The following ZIC2 variants were observed in gnomAD, a reference collection of about 807,000 sequenced individuals.
The protein encoded by ZIC2 is zinc finger protein ZIC 2.
ZIC2 carries 7 observed loss-of-function variants against 29.5 expected under a neutral mutation model. The observed-to-expected ratio is 0.24, with a 90% CI of 0.14 to 0.45. The LOEUF (loss-of-function observed/expected upper bound fraction) is 0.45. Ranked by LOEUF, ZIC2 falls within the 20% of genes least tolerant of loss-of-function variation. The probability of loss-of-function intolerance (pLI) is 1.00; values close to 1 mark genes in which losing one functional copy is unlikely to be tolerated. For missense variants in ZIC2, 589 were observed against 781.2 expected, an observed-to-expected ratio of 0.75 and a Z score of 2.93; for synonymous variants, 408 against 354.2, an observed-to-expected ratio of 1.15 and a Z score of -1.70.
chr13:99,986,322 C>T lies in ZIC2; in HGVS notation c.*640C>T. The T allele has an allele frequency of 3.7e-6, 1 of 271,244 alleles. No homozygotes were observed. Among genetic ancestry groups the T allele is most frequent in the Non-Finnish European group, 7.2e-6 (1 of 138,210 alleles). The allele number at this position is 271,244 out of a possible 1,614,324, so 16.8% of individuals were successfully genotyped here. A position where few individuals can be genotyped will look rare whatever the true frequency, so the allele number is the denominator to read the frequency against. On this transcript the variant is annotated 3_prime_UTR_variant, in exon 3 of 3. Transcript: ENST00000376335. ...TATAGACTGGAAAAAATGAGCCGTG[C>T]CAAAGTCTCCCTTCTGTTTCTTCAG... is the stretch of plus-strand genomic sequence containing the variant.
rs766823181 is a variant in ZIC2 at position 99,985,385 on chromosome 13, GTC to G, written c.1303_1304del (p.Ser435HisfsTer94). 2.4e-4 allele frequency: 384 copies of G among 1,597,468 alleles called. 2 individuals carry two copies. Among genetic ancestry groups the G allele is most frequent in the Non-Finnish European group, 5.6e-5 (66 of 1,179,104 alleles). On this transcript the variant is annotated frameshift_variant, in exon 3 of 3. Transcript: ENST00000376335. LOFTEE classifies it high-confidence loss of function. This position sits in a 1 kb window ranked among gnomAD's most constrained non-coding sequence, Gnocchi z 6.3. ...CGGCCGCCAGCTCCGGCTATGAGTC[GTC>G]CACGCCCCCGGGGCTGGTGTCCCCC... Reference protein sequence around the residue: ...SPAASSGYESSTPPGLVSPSA... With the variant: ...SPAASSGYESXTPPGLVSPSA...
rs13542 is a variant in ZIC2 at position 99,986,138 on chromosome 13, G to A, written c.*456G>A. The stretch of plus-strand genomic sequence containing the variant: ...CGGATTGCGTTCCTCCCCGCCTTCC[G>A]CCCCTTCCCTTCCCTAAAGTGATGG... On this transcript the variant is annotated 3_prime_UTR_variant, in exon 3 of 3. Coordinates refer to ENST00000376335, the MANE Select transcript of ZIC2 (RefSeq NM_007129.5). 0.26 allele frequency: 115,690 copies of A among 441,306 alleles called. 16,691 individuals are homozygous for A. The highest frequency in any genetic ancestry group is 0.46 in the African/African-American group (22,861 of 49,444). 27.3% of individuals were successfully genotyped at this position (441,306 alleles called of 1,614,324 possible).
rs1355960014 is a variant in ZIC2, at chr13:99,985,394, C to A, written c.1311C>A (p.Pro437=). ...AASSGYESST[P]PGLVSPSAEP... Reference sequence around the variant, plus strand: ...GCTCCGGCTATGAGTCGTCCACGCCCCCGGGGCTGGTGTCCCCCAGCGCCG... The same window carrying A: ...GCTCCGGCTATGAGTCGTCCACGCCACCGGGGCTGGTGTCCCCCAGCGCCG... The change falls in exon 3 of 3, where the codon CCC becomes CCA. Residue 437 remains proline, a synonymous_variant. Transcript: ENST00000376335. This position sits in a 1 kb window ranked among gnomAD's most constrained non-coding sequence, Gnocchi z 6.3. The A allele has an allele frequency of 1.4e-5, 22 of 1,596,892 alleles. No homozygotes were observed. Among genetic ancestry groups the A allele is most frequent in the Non-Finnish European group, 1.8e-5 (21 of 1,178,870 alleles).
In ZIC2 at chr13:99,981,794, C is replaced by T; in HGVS notation, c.-271C>T. The T allele has an allele frequency of 1.8e-6, 1 of 553,424 alleles. No individual in the cohort carries two copies. Among genetic ancestry groups the T allele is most frequent in the Non-Finnish European group, 3.0e-6 (1 of 337,350 alleles). 34.3% of individuals were successfully genotyped at this position (553,424 alleles called of 1,614,324 possible). On this transcript the variant is annotated 5_prime_UTR_variant, in exon 1 of 3. Transcript: ENST00000376335. ...TCTCCGCCTGGCTTTGGACTCTTCTCCTCCTCCACCTCCTCCTCCTCCTCC... is the reference window on the plus strand; with the variant it reads ...TCTCCGCCTGGCTTTGGACTCTTCTTCTCCTCCACCTCCTCCTCCTCCTCC...
In ZIC2 at chr13:99,982,331, TG is replaced by T; in HGVS notation, c.268del (p.Ala90ArgfsTer128). 1 of 1,465,218 alleles carries T rather than the reference TG, an allele frequency of 6.8e-7. No homozygotes were observed. The highest frequency in any genetic ancestry group is 9.0e-7 in the Non-Finnish European group (1 of 1,111,454). 90.8% of individuals were successfully genotyped at this position (1,465,218 alleles called of 1,614,324 possible). A position where few individuals can be genotyped will look rare whatever the true frequency, so the allele number is the denominator to read the frequency against. On this transcript the variant is annotated frameshift_variant, in exon 1 of 3. Coordinates refer to ENST00000376335, the MANE Select transcript of ZIC2 (RefSeq NM_007129.5). LOFTEE classifies it high-confidence loss of function. ...QGPGAYPGSA[A>X]AAAAAAALGP... ...GCCCCGGCGCCTACCCCGGCTCCGC[TG>T]CGGCTGCCGCTGCGGCCGCAGCGCT... is the stretch of plus-strand genomic sequence containing the variant.
chr13:99,985,091 G>T lies in ZIC2; in HGVS notation c.1221G>T (p.Ser407=). The T allele has an allele frequency of 6.2e-7, 1 of 1,614,094 alleles. No homozygotes were observed. Among genetic ancestry groups the T allele is most frequent in the East Asian group, 2.2e-5 (1 of 44,868 alleles). The change falls in exon 2 of 3, where the codon TCG becomes TCT. Residue 407 remains serine (S), a synonymous_variant. Transcript: ENST00000376335. This position sits in a 1 kb window ranked among gnomAD's most constrained non-coding sequence, Gnocchi z 6.3. ...ACAAGTCCTACACGCACCCCAGCTC[G>T]CTGCGGAAGCACATGAAGGTACCAC... ...MCDKSYTHPS[S]LRKHMKVHES...
At position 99,981,890 on chromosome 13, in the gene ZIC2, AGGC is replaced by A. The variant is rs1216085522; in HGVS notation, c.-166_-164del. ...GCGCCCGGCCGCCCGAGGCAGATCC[AGGC>A]GGCGGCGGAGGCGGCGGGCGCAGGA... On this transcript the variant is annotated 5_prime_UTR_variant, in exon 1 of 3. Coordinates refer to ENST00000376335, the MANE Select transcript of ZIC2 (RefSeq NM_007129.5). The A allele has an allele frequency of 8.2e-7, 1 of 1,216,774 alleles. No individual in the cohort carries two copies. Among genetic ancestry groups the A allele is most frequent in the Non-Finnish European group, 1.1e-6 (1 of 946,686 alleles). 75.4% of individuals were successfully genotyped at this position (1,216,774 alleles called of 1,614,324 possible). A position where few individuals can be genotyped will look rare whatever the true frequency, so the allele number is the denominator to read the frequency against.
Position 99,985,826 on chromosome 13 carries a change from A to T in ZIC2, c.*144A>T. 1.1e-4 allele frequency: 33 copies of T among 299,056 alleles called. No individual in the cohort carries two copies. The highest frequency in any genetic ancestry group is 1.5e-4 in the Non-Finnish European group (28 of 192,792). 18.5% of individuals were successfully genotyped at this position (299,056 alleles called of 1,614,324 possible). A position where few individuals can be genotyped will look rare whatever the true frequency, so the allele number is the denominator to read the frequency against. On this transcript the variant is annotated 3_prime_UTR_variant, in exon 3 of 3. Transcript: ENST00000376335. This position sits in a 1 kb window ranked among gnomAD's most constrained non-coding sequence, Gnocchi z 6.3. ...TGATGAAAATTTTACCAGCAGAAGG[A>T]TTTTTTAAAGTTTTTTTTTTTTTTT...
In ZIC2 at chr13:99,983,254, AG is replaced by A; in HGVS notation, c.1075+117del. ...CCGCCAGCCGGGGACCTGGGATGGG[AG>A]GTGTTTTTGCGTGTACGAAAGAGCC... On this transcript the variant is annotated intron_variant, in intron 1 of 2. Transcript: ENST00000376335. The surrounding 1 kb of genome is among the most constrained non-coding windows in gnomAD (Gnocchi z 4.7). 7.1e-7 allele frequency: 1 copy of A among 1,407,558 alleles called. No homozygotes were observed. Among genetic ancestry groups the A allele is most frequent in the Non-Finnish European group, 9.5e-7 (1 of 1,047,370 alleles). 87.2% of individuals were successfully genotyped at this position (1,407,558 alleles called of 1,614,324 possible). A position where few individuals can be genotyped will look rare whatever the true frequency, so the allele number is the denominator to read the frequency against.
Position 99,985,510 on chromosome 13 carries a change from G to A in ZIC2, c.1427G>A (p.Arg476Gln). ...AAAAAVSAVH[R>Q]GGGSGSGGAG... is the part of the protein sequence containing the mutation. ...GCGGCCGCGGTGTCCGCGGTGCACC[G>A]GGGCGGAGGCTCGGGCAGTGGCGGC... Residue 476 changes from arginine (R) to glutamine (Q), a missense_variant, in exon 3 of 3, where the codon CGG becomes CAG. Arg to Gln is a conservative substitution (Grantham distance 43). This residue lies in a region of ZIC2 where 135 missense variants were observed against 136.7 expected (regional missense o/e 0.99). Coordinates refer to ENST00000376335, the MANE Select transcript of ZIC2 (RefSeq NM_007129.5). The surrounding 1 kb of genome is among the most constrained non-coding windows in gnomAD (Gnocchi z 6.3). 3.6e-6 allele frequency: 4 copies of A among 1,111,076 alleles called. No individual in the cohort carries two copies. The highest frequency in any genetic ancestry group is 4.4e-6 in the Non-Finnish European group (4 of 917,420). 68.8% of individuals were successfully genotyped at this position (1,111,076 alleles called of 1,614,324 possible). A position where few individuals can be genotyped will look rare whatever the true frequency, so the allele number is the denominator to read the frequency against.
chr13:99,983,839 T>G lies in ZIC2; in HGVS notation c.1075+700T>G, dbSNP rs1342250473. On this transcript the variant is annotated intron_variant, in intron 1 of 2. Transcript: ENST00000376335. The surrounding 1 kb of genome is among the most constrained non-coding windows in gnomAD (Gnocchi z 4.7). ...CAGGCAGCGCGGCCCCGCGGGGGGA[T>G]CGCGTGAGAAGAGAGAGCCGCAAAA... 6.6e-6 allele frequency among the ~76,000 whole-genome samples: 1 copy of G among 152,180 alleles called. No homozygotes were observed. Among genetic ancestry groups the G allele is most frequent in the Non-Finnish European group, 1.5e-5 (1 of 68,042 alleles).
At position 99,982,847 on chromosome 13, in the gene ZIC2, C is replaced by T. The variant is rs545732826; in HGVS notation, c.783C>T (p.Ile261=). 26 of 1,612,748 alleles carry T rather than the reference C, an allele frequency of 1.6e-5. No homozygotes were observed. The highest frequency in any genetic ancestry group is 1.9e-5 in the Non-Finnish European group (23 of 1,179,944). Residue 261 remains isoleucine (I), a synonymous_variant, in exon 1 of 3, where the codon ATC becomes ATT. Coordinates refer to ENST00000376335, the MANE Select transcript of ZIC2 (RefSeq NM_007129.5). ...AGCAGGAGCTAATCTGCAAGTGGAT[C>T]GACCCCGAGCAACTGAGCAATCCCA... ...CIKQELICKW[I]DPEQLSNPKK...
In ZIC2 at chr13:99,985,113, C is replaced by T; in HGVS notation, c.1239+4C>T. The T allele has an allele frequency of 6.2e-7, 1 of 1,614,052 alleles. No individual in the cohort carries two copies. Among genetic ancestry groups the T allele is most frequent in the Non-Finnish European group, 8.5e-7 (1 of 1,179,916 alleles). ...CTCGCTGCGGAAGCACATGAAGGTA[C>T]CACCGCGGCGGCCGGGAGGAGGGCG... is the stretch of plus-strand genomic sequence containing the variant. On this transcript the variant is annotated splice_donor_region_variant and intron_variant, in intron 2 of 2. Transcript: ENST00000376335. The surrounding 1 kb of genome is among the most constrained non-coding windows in gnomAD (Gnocchi z 6.3).
chr13:99,982,894 T>A lies in ZIC2; in HGVS notation c.830T>A (p.Phe277Tyr), dbSNP rs1301481503. ...CCCAAGAAGAGCTGCAACAAAACTT[T>A]CAGCACCATGCACGAGCTGGTGACA... ...SNPKKSCNKT[F>Y]STMHELVTHV... Residue 277 changes from phenylalanine (F) to tyrosine (Y), a missense_variant, in exon 1 of 3, where the codon TTC becomes TAC. Physicochemically the swap from Phe to Tyr is conservative, Grantham distance 22. Coordinates refer to ENST00000376335, the MANE Select transcript of ZIC2 (RefSeq NM_007129.5). 2 of 1,612,158 alleles carry A rather than the reference T, an allele frequency of 1.2e-6. No individual in the cohort carries two copies. Among genetic ancestry groups the A allele is most frequent in the Admixed American group, 1.7e-5 (1 of 59,792 alleles).
rs776119272 is a variant in ZIC2 at position 99,982,561 on chromosome 13, A to G, written c.497A>G (p.His166Arg). Residue 166 changes from histidine to arginine, a missense_variant, in exon 1 of 3, where the codon CAC becomes CGC. This residue lies in a region of ZIC2 where 358 missense variants were observed against 382.0 expected (regional missense o/e 0.94). Transcript: ENST00000376335. ...HLLFPGLPEQ[H>R]GPHGSQNVLN... ...CTCTTCCCGGGCCTGCCAGAGCAGC[A>G]CGGGCCGCACGGCTCGCAGAATGTG... 57 of 1,555,812 alleles carry G rather than the reference A, an allele frequency of 3.7e-5. No individual in the cohort carries two copies. In the Middle Eastern group the frequency reaches 5.0e-4, roughly 14 times the overall value.
chr13:99,982,289 G>C lies in ZIC2; in HGVS notation c.225G>C (p.Ser75=), dbSNP rs2053238231. 5 of 1,489,750 alleles carry C rather than the reference G, an allele frequency of 3.4e-6. No homozygotes were observed. Among genetic ancestry groups the C allele is most frequent in the Non-Finnish European group, 4.5e-6 (5 of 1,123,066 alleles). The allele number at this position is 1,489,750 out of a possible 1,614,324, so 92.3% of individuals were successfully genotyped here. ...GAHELSPGQS[S]AFTSQGPGAY... ...ACGAGCTGTCCCCGGGCCAGAGCTC[G>C]GCGTTCACGTCGCAGGGCCCCGGCG... is the stretch of plus-strand genomic sequence containing the variant. The change falls in exon 1 of 3, where the codon TCG becomes TCC. Residue 75 remains serine, a synonymous_variant. Transcript: ENST00000376335.
intron 1 of ZIC2, chr13:99,984,145 T>G (rs910429547): frequency 6.6e-5 from 10 of 152,284 alleles, no homozygotes; most frequent in Admixed American, 2.0e-4. Flanking sequence ...AAGAAACAAT[T>G]TAGGTGCTAA....
chr13:99,985,446 C>T lies in ZIC2; in HGVS notation c.1363C>T (p.Pro455Ser). 2 of 1,421,860 alleles carry T rather than the reference C, an allele frequency of 1.4e-6. No homozygotes were observed. Among genetic ancestry groups the T allele is most frequent in the Non-Finnish European group, 9.1e-7 (1 of 1,096,378 alleles). The allele number at this position is 1,421,860 out of a possible 1,614,324, so 88.1% of individuals were successfully genotyped here. The part of the protein sequence containing the change: ...AEPQSSSNLS[P>S]AAAAAAAAAA... ...GCCCCAGAGCAGCTCCAACCTGTCC[C>T]CAGCGGCGGCGGCAGCGGCGGCGGC... Residue 455 changes from proline (P) to serine (S), a missense_variant, in exon 3 of 3, where the codon CCA becomes TCA. By Grantham distance (74) the Pro-to-Ser change is moderately conservative. Coordinates refer to ENST00000376335, the MANE Select transcript of ZIC2 (RefSeq NM_007129.5). The surrounding 1 kb of genome is among the most constrained non-coding windows in gnomAD (Gnocchi z 6.3).
At position 99,985,518 on chromosome 13, in the gene ZIC2, G is replaced by T; in HGVS notation, c.1435G>T (p.Gly479Cys). Residue 479 changes from glycine (G) to cysteine (C), a missense_variant, in exon 3 of 3, where the codon GGC becomes TGC. This residue lies in a region of ZIC2 where 135 missense variants were observed against 136.7 expected (regional missense o/e 0.99). Transcript: ENST00000376335. This position sits in a 1 kb window ranked among gnomAD's most constrained non-coding sequence, Gnocchi z 6.3. ...AAVSAVHRGG[G>C]SGSGGAGGGS... Reference sequence around the variant, plus strand: ...GGTGTCCGCGGTGCACCGGGGCGGAGGCTCGGGCAGTGGCGGCGCGGGAGG... The same window carrying T: ...GGTGTCCGCGGTGCACCGGGGCGGATGCTCGGGCAGTGGCGGCGCGGGAGG... 1 of 1,056,760 alleles carries T rather than the reference G, an allele frequency of 9.5e-7. No homozygotes were observed. The highest frequency in any genetic ancestry group is 1.7e-5 in the African/African-American group (1 of 58,266). 65.5% of individuals were successfully genotyped at this position (1,056,760 alleles called of 1,614,324 possible). A position where few individuals can be genotyped will look rare whatever the true frequency, so the allele number is the denominator to read the frequency against.
Sources: gnomAD v4.1 joint callset for allele counts (sites outside exome capture counted in the v4.1 genomes callset) on GRCh38, gnomAD v4.1.1 for gene constraint, gnomAD v4.1.1 regional missense constraint, Gnocchi (gnomAD v3.1) non-coding constraint, MANE v1.5 for transcripts, NCBI Gene and HGNC (gene_info 2026-07-23, HGNC 2026-07-21) for gene names.